Variants in CHD4 observed in about 807,000 individuals in gnomAD.
CHD4 encodes chromodomain helicase DNA binding protein 4.
CHD4 carries 35 observed loss-of-function variants against 235.5 expected under a neutral mutation model. The ratio of observed to expected loss-of-function variants is 0.15; its 90% confidence interval spans 0.11 to 0.20. The LOEUF is 0.20. Among genes scored for constraint, CHD4 ranks in the 10% least tolerant of loss-of-function variants. The probability of loss-of-function intolerance (pLI) is 1.00; values close to 1 mark genes in which losing one functional copy is unlikely to be tolerated. For missense variants in CHD4, 1,329 were observed against 2,432.3 expected (o/e 0.55, Z 9.54); for synonymous variants, 900 against 850.2 (o/e 1.06, Z -1.02).
chr12:6,570,494 A>G lies in CHD4; in HGVS notation c.*182T>C. The G allele has an allele frequency of 2.9e-6, 2 of 685,162 alleles. No homozygotes were observed. The highest frequency in any genetic ancestry group is 4.9e-6 in the Non-Finnish European group (2 of 405,124). 42.4% of individuals were successfully genotyped at this position (685,162 alleles called of 1,614,324 possible). ...CGCTACTGCTGCATGTCTCTTCTGC[A>G]GGAAGGGCACCACTGCCCCTCACTC... On this transcript the variant is annotated 3_prime_UTR_variant, in exon 40 of 40. Transcript: ENST00000544040.
In CHD4 at chr12:6,600,383, A is replaced by C; in HGVS notation, c.1076T>G (p.Val359Gly). Reference protein sequence around the residue: ...TKKKKKGEEEVTAVDGYETDH... With the variant: ...TKKKKKGEEEGTAVDGYETDH... ...TGTCTCATAACCATCCACAGCAGTC[A>C]CCTCCTCCTCGCCTGGGCAAGGAAG... The change falls in exon 9 of 40, where the codon GTG (valine) becomes GGG (glycine). Residue 359 changes from valine (V) to glycine (G), a missense_variant. By Grantham distance (109) the Val-to-Gly change is moderately radical (BLOSUM62 -3). This residue lies in a region of CHD4 where 160 missense variants were observed against 196.6 expected (regional missense o/e 0.81). Coordinates refer to ENST00000544040, the MANE Select transcript of CHD4 (RefSeq NM_001273.5). 6.2e-7 allele frequency: 1 copy of C among 1,613,480 alleles called. No individual in the cohort carries two copies. The highest frequency in any genetic ancestry group is 1.7e-5 in the Admixed American group (1 of 59,956).
At chr12:6,581,016 C>CAAA in intron 33 of CHD4, 28 bp downstream of exon 33, 1 of 1,610,946 alleles carries the variant, frequency 6.2e-7, no homozygotes. Context: ...AACAAACAAA[C>CAAA]AAACAAAAAA....
chr12:6,581,119 G>A lies in CHD4; in HGVS notation c.4834C>T (p.Pro1612Ser), dbSNP rs1423169880. ...TTTTCCACTTTCTCCTCTCCCTCAG[G>A]GGGTTCAACAACGACCTTTTCATCC... ...SEDEKVVVEPPEGEEKVEKAE... is the reference protein window; with the variant it reads ...SEDEKVVVEPSEGEEKVEKAE... The change falls in exon 33 of 40, where the codon CCT (proline) becomes TCT (serine). Residue 1612 changes from proline (P) to serine (S), a missense_variant. Physicochemically the swap from Pro to Ser is moderately conservative, Grantham distance 74. This residue lies in a region of CHD4 where 219 missense variants were observed against 219.3 expected (regional missense o/e 1.00). Transcript: ENST00000544040. 2.5e-6 allele frequency: 4 copies of A among 1,614,100 alleles called. No homozygotes were observed. Among genetic ancestry groups the A allele is most frequent in the Non-Finnish European group, 3.4e-6 (4 of 1,180,026 alleles).
Position 6,592,418 on chromosome 12 carries a change from G to A in CHD4, c.2923C>T (p.Arg975Cys). The A allele has an allele frequency of 6.3e-7, 1 of 1,596,626 alleles. No homozygotes were observed. The change falls in exon 19 of 40, where the codon CGT (arginine) becomes TGT (cysteine). Residue 975 changes from arginine to cysteine, a missense_variant. Coordinates refer to ENST00000544040, the MANE Select transcript of CHD4 (RefSeq NM_001273.5). ...NMPSKTELIV[R>C]VELSPMQKKY... is the part of the protein sequence containing the mutation. Reference sequence around the variant, plus strand: ...TTCTGCATAGGGCTCAGCTCCACACGCACAATTAGTTCTGTCTTGGAGGGC... The same window carrying A: ...TTCTGCATAGGGCTCAGCTCCACACACACAATTAGTTCTGTCTTGGAGGGC...
In CHD4 at chr12:6,578,227, C is replaced by T. The variant is rs1197199100; in HGVS notation, c.5120-90G>A. The T allele has an allele frequency of 1.3e-5, 18 of 1,358,432 alleles. No individual in the cohort carries two copies. In the Admixed American group the frequency reaches 2.9e-4, roughly 22 times the overall value. The allele number at this position is 1,358,432 out of a possible 1,614,324, so 84.1% of individuals were successfully genotyped here. A position where few individuals can be genotyped will look rare whatever the true frequency, so the allele number is the denominator to read the frequency against. On this transcript the variant is annotated intron_variant, in intron 35 of 39. Coordinates refer to ENST00000544040, the MANE Select transcript of CHD4 (RefSeq NM_001273.5). ...CTACTTATTCTTGTCCCCCACCATC[C>T]CCTACCCCTGGATCCATTTCATATA...
At chr12:6,596,528 G>T (rs954251625) in intron 12 of CHD4, among the ~76,000 whole-genome samples, 1 of 151,374 alleles carries the variant, frequency 6.6e-6, no homozygotes, top group African/African-American at 2.4e-5. Context: ...GGCCGGGCGC[G>T]GTGGCTCACG....
chr12:6,604,394 G>A (rs1167617097), intron 2 of CHD4, among the ~76,000 whole-genome samples: 1 of 152,074 alleles, frequency 6.6e-6, no homozygotes, highest in Non-Finnish European at 1.5e-5. Context: ...CAGATACTAG[G>A]GAATGAGACA....
chr12:6,601,860 G>A (rs184201825), intron 4 of CHD4, 94 bp from the exon 5 acceptor site: 1,658 of 1,562,674 alleles, frequency 1.1e-3, no homozygotes, highest in Non-Finnish European at 1.4e-3. Context: ...ACAGAGTTAA[G>A]AGGAAAAGAA....
intron 37 of CHD4, among the ~76,000 whole-genome samples, chr12:6,573,604 T>A (rs906945354): frequency 2.6e-5 from 4 of 152,196 alleles, no homozygotes; most frequent in Non-Finnish European, 5.9e-5. Context: ...TCTTTTTAGG[T>A]TTTTTTGTGC....
chr12:6,573,420 T>G, intron 37 of CHD4, 151 bp from the exon 38 acceptor site: 1 of 505,272 alleles, frequency 2.0e-6, no homozygotes, highest in Non-Finnish European at 3.2e-6. Context: ...CCCAAGTAGT[T>G]TAACTTTGCC....
intron 38 of CHD4, among the ~76,000 whole-genome samples, chr12:6,572,407 C>T (rs1044526095): frequency 6.8e-6 from 1 of 146,102 alleles, no homozygotes; most frequent in African/African-American, 2.6e-5. Flanking sequence ...GCCTGGGCAA[C>T]AGAGCTAGAC....
intron 38 of CHD4, chr12:6,572,024 G>GCCT (rs1465588691): frequency 6.6e-6 from 1 of 152,200 alleles, no homozygotes; most frequent in Admixed American, 6.6e-5. Flanking sequence ...TACTCAGGAG[G>GCCT]CTGAGGCAGG....
At chr12:6,585,678 A>G (rs1483175611) in intron 25 of CHD4, among the ~76,000 whole-genome samples, 2 of 150,710 alleles carry the variant, frequency 1.3e-5, no homozygotes, top group South Asian at 2.1e-4. Flanking sequence ...AGTCCCAGCT[A>G]TTCGGGAGGC....
chr12:6,601,587 GAAGT>G (rs1433032393), intron 5 of CHD4, 57 bp from the exon 6 acceptor site: 13 of 1,612,798 alleles, frequency 8.1e-6, no homozygotes, highest in African/African-American at 1.3e-5. Context: ...AAAAGAAAGA[GAAGT>G]AAGAAGAGAG....
At chr12:6,601,253 C>T (rs752225434) in intron 6 of CHD4, 36 bp downstream of exon 6, 6 of 1,605,104 alleles carry the variant, frequency 3.7e-6, no homozygotes, top group Middle Eastern at 1.8e-4. Flanking sequence ...TAAGCCCACA[C>T]TAGACACCCC....
chr12:6,585,506 T>G (rs549738091), intron 25 of CHD4, among the ~76,000 whole-genome samples: 1 of 151,596 alleles, frequency 6.6e-6, no homozygotes, highest in East Asian at 2.0e-4. Flanking sequence ...ATGGGCTCGA[T>G]CTCTTGACCT....
chr12:6,592,486 G>C lies in CHD4; in HGVS notation c.2855C>G (p.Pro952Arg). The C allele has an allele frequency of 6.2e-7, 1 of 1,612,074 alleles. No homozygotes were observed. The highest frequency in any genetic ancestry group is 2.2e-5 in the East Asian group (1 of 44,804). The change falls in exon 19 of 40, where the codon CCG (proline) becomes CGG (arginine). Residue 952 changes from proline (P) to arginine (R), a missense_variant. Pro to Arg is a moderately radical substitution (Grantham distance 103, BLOSUM62 -2). Transcript: ENST00000544040. ...QIKKLHDMLG[P>R]HMLRRLKADV... is the part of the protein sequence containing the mutation. ...GGCTTTGAGCCGCCGCAACATGTGC[G>C]GCCCCAGCATGTCATGCAGTTTTTT...
chr12:6,589,206 T>C (rs1288407705), intron 22 of CHD4, among the ~76,000 whole-genome samples: 1 of 151,840 alleles, frequency 6.6e-6, no homozygotes. Context: ...TGTCAGAATA[T>C]AAAACCTCAT....
Position 6,600,284 on chromosome 12 carries a change from T to C in CHD4, c.1175A>G (p.Tyr392Cys). 6.2e-7 allele frequency: 1 copy of C among 1,614,136 alleles called. No homozygotes were observed. Among genetic ancestry groups the C allele is most frequent in the Non-Finnish European group, 8.5e-7 (1 of 1,180,010 alleles). Residue 392 changes from tyrosine (Y) to cysteine (C), a missense_variant, in exon 9 of 40, where the codon TAC (tyrosine) becomes TGC (cysteine). Tyr to Cys is a radical substitution (Grantham distance 194). Around this residue, in one of 26 missense-constraint regions of CHD4, gnomAD observed 13 missense variants for 56.5 expected, o/e 0.23. Transcript: ENST00000544040. ...GTCGGGATCCAGGCAGACCATGTGG[T>C]AAGCACGGGGACAGGTATCACACAG... Reference protein sequence around the residue: ...IILCDTCPRAYHMVCLDPDME... With the variant: ...IILCDTCPRACHMVCLDPDME...
Sources: allele counts gnomAD v4.1 joint callset (sites outside exome capture counted in the v4.1 genomes callset), GRCh38; gene constraint gnomAD v4.1.1; regional missense constraint gnomAD v4.1.1; transcripts MANE v1.5; gene names NCBI Gene and HGNC (gene_info 2026-07-23, HGNC 2026-07-21).